MAP4: variants seen among roughly 807,000 people sequenced by gnomAD.
MAP4 encodes the protein microtubule associated protein 4, also known as microtubule-associated protein 4.
Under a neutral mutation model 170.2 loss-of-function variants are expected in MAP4, and 76 were observed. The ratio of observed to expected loss-of-function variants is 0.45; its 90% CI spans 0.37 to 0.54. MAP4 has a LOEUF of 0.54. Among genes scored for constraint, MAP4 ranks in the 20% least tolerant of loss-of-function variants. The probability of loss-of-function intolerance (pLI) is 0.00; values close to 1 mark genes in which losing one functional copy is unlikely to be tolerated. For synonymous variants in MAP4, 909 were observed against 994.5 expected, an observed-to-expected ratio of 0.91 and a Z score of 1.62; for missense variants, 2,506 against 2,748.0, an observed-to-expected ratio of 0.91 and a Z score of 1.97.
intron 10 of MAP4, among the ~76,000 whole-genome samples, chr3:47,880,978 C>A (rs762021160): frequency 6.6e-5 from 10 of 152,140 alleles, no homozygotes; most frequent in Non-Finnish European, 1.2e-4. Flanking sequence ...TTACAGAAGT[C>A]CCCAGCTGTA....
intron 2 of MAP4, among the ~76,000 whole-genome samples, chr3:47,986,628 C>T (rs912772829): frequency 2.0e-5 from 3 of 152,114 alleles, no homozygotes; most frequent in African/African-American, 4.8e-5. Context: ...GCTTGAGCCC[C>T]CGGGTCCCGG....
chr3:48,074,506 A>C (rs1464873705), intron 1 of MAP4, among the ~76,000 whole-genome samples: 11 of 141,130 alleles, frequency 7.8e-5, no homozygotes, highest in Admixed American at 5.7e-4. Flanking sequence ...ATATATACAC[A>C]CACTTTTTTT....
chr3:47,930,710 C>T (rs563266852), intron 3 of MAP4, among the ~76,000 whole-genome samples: 5 of 151,756 alleles, frequency 3.3e-5, no homozygotes, highest in African/African-American at 4.8e-5. Flanking sequence ...GGGCGGATCA[C>T]AAGGTCAGGA....
chr3:47,875,626 C>A, intron 12 of MAP4, 59 bp downstream of exon 12: 1 of 1,405,394 alleles, frequency 7.1e-7, no homozygotes, highest in Non-Finnish European at 9.9e-7. Context: ...AAGGATCTGT[C>A]TATCTGACAC....
intron 3 of MAP4, among the ~76,000 whole-genome samples, chr3:47,959,178 G>C (rs1446653797): frequency 2.0e-5 from 3 of 152,032 alleles, no homozygotes; most frequent in Non-Finnish European, 2.9e-5. Context: ...GTATATACAT[G>C]AAGGTGGCCG....
Position 47,877,172 on chromosome 3 carries a change from C to T in MAP4, c.5541+245G>A, listed in dbSNP as rs142049379. On this transcript the variant is annotated intron_variant, in intron 11 of 20. Coordinates refer to ENST00000683076, the MANE Select transcript of MAP4 (RefSeq NM_001385682.1). The stretch of plus-strand genomic sequence containing the variant: ...GATTACAGGCATGAGCCACCATGCC[C>T]GGCCTCTACAGAACATTTTTTACAG... 32 of 369,776 alleles carry T rather than the reference C, an allele frequency of 8.7e-5. No individual in the cohort carries two copies. In the Admixed American group the frequency reaches 1.0e-3, roughly 12 times the overall value. The allele number at this position is 369,776 out of a possible 1,614,324, so 22.9% of individuals were successfully genotyped here. A position where few individuals can be genotyped will look rare whatever the true frequency, so the allele number is the denominator to read the frequency against.
intron 1 of MAP4, among the ~76,000 whole-genome samples, chr3:48,000,696 A>G (rs1421744742): frequency 6.6e-6 from 1 of 152,196 alleles, no homozygotes; most frequent in African/African-American, 2.4e-5. Context: ...TAATTTAGCC[A>G]ATCTATTTCT....
In MAP4 at chr3:47,909,249, T is replaced by C. The variant is rs2100034698; in HGVS notation, c.5172A>G (p.Pro1724=). The C allele has an allele frequency of 1.2e-6, 2 of 1,613,904 alleles. No homozygotes were observed. The highest frequency in any genetic ancestry group is 1.7e-6 in the Non-Finnish European group (2 of 1,179,862). The change falls in exon 9 of 21, where the codon CCA becomes CCG. Residue 1724 remains proline, a synonymous_variant. Coordinates refer to ENST00000683076, the MANE Select transcript of MAP4 (RefSeq NM_001385682.1). The part of the protein sequence containing the change: ...IMTASKGVRL[P]EPKDKILETP... ...TCTCCAAAATCTTATCTTTGGGTTC[T>C]GGGAGTCGAACACCCTTGGAAGCAG... is the stretch of plus-strand genomic sequence containing the variant.
intron 5 of MAP4, among the ~76,000 whole-genome samples, chr3:47,919,060 T>C (rs1311650130): frequency 6.6e-6 from 1 of 151,548 alleles, no homozygotes; most frequent in African/African-American, 2.4e-5. Context: ...GTCTCCCGAG[T>C]AGCTGGGACT....
At chr3:48,048,820 G>C (rs1301079353) in intron 1 of MAP4, among the ~76,000 whole-genome samples, 2 of 151,862 alleles carry the variant, frequency 1.3e-5, no homozygotes, top group African/African-American at 2.4e-5. Context: ...ACCTGCATTT[G>C]TGTGTGTATT....
At chr3:47,954,138 G>A (rs1264934205) in intron 3 of MAP4, among the ~76,000 whole-genome samples, 2 of 152,222 alleles carry the variant, frequency 1.3e-5, no homozygotes, top group East Asian at 3.9e-4. Context: ...CCCTAGACAT[G>A]GGTTGGCAAA....
chr3:47,983,361 C>A (rs190445355), intron 2 of MAP4, among the ~76,000 whole-genome samples: 5 of 151,830 alleles, frequency 3.3e-5, no homozygotes, highest in African/African-American at 1.2e-4. Context: ...AGGTGTGCAC[C>A]GCCACAGTTG....
chr3:48,046,921 C>G (rs994589944), intron 1 of MAP4, among the ~76,000 whole-genome samples: 2 of 151,716 alleles, frequency 1.3e-5, no homozygotes, highest in African/African-American at 4.8e-5. Flanking sequence ...GGTTAAACCC[C>G]GTCTCTACTA....
chr3:47,878,488 T>C (rs554151704), intron 10 of MAP4, among the ~76,000 whole-genome samples: 1 of 152,264 alleles, frequency 6.6e-6, no homozygotes, highest in South Asian at 2.1e-4. Context: ...TTTTTGAAAC[T>C]ATGAAAAGAT....
At chr3:47,930,483 A>C (rs868607640) in intron 3 of MAP4, among the ~76,000 whole-genome samples, 3 of 152,030 alleles carry the variant, frequency 2.0e-5, no homozygotes, top group South Asian at 4.1e-4. Context: ...AACAAAAAAA[A>C]CAAAAGACAA....
chr3:47,930,445 C>T (rs1196288061), intron 3 of MAP4, among the ~76,000 whole-genome samples: 3 of 149,302 alleles, frequency 2.0e-5, no homozygotes, highest in Non-Finnish European at 4.5e-5. Context: ...GAGCGAGACT[C>T]CGTCTCAAAA....
intron 1 of MAP4, among the ~76,000 whole-genome samples, chr3:48,048,322 T>G (rs1324644852): frequency 6.6e-6 from 1 of 151,940 alleles, no homozygotes; most frequent in African/African-American, 2.4e-5. Flanking sequence ...TGTATTACAA[T>G]CTCATGTCCT....
intron 3 of MAP4, among the ~76,000 whole-genome samples, chr3:47,961,258 T>C (rs143600676): frequency 1.5e-4 from 23 of 152,224 alleles, no homozygotes; most frequent in African/African-American, 4.1e-4. Flanking sequence ...TCCCAGGACA[T>C]TGGGAGGCTG....
intron 1 of MAP4, among the ~76,000 whole-genome samples, chr3:48,030,385 T>C (rs1160418755): frequency 6.6e-6 from 1 of 151,912 alleles, no homozygotes; most frequent in Non-Finnish European, 1.5e-5. Context: ...ACCAAGACTC[T>C]TTGGAGAAAT....
Sources: allele counts gnomAD v4.1 joint callset (sites outside exome capture counted in the v4.1 genomes callset), GRCh38; gene constraint gnomAD v4.1.1; transcripts MANE v1.5; gene names NCBI Gene and HGNC (gene_info 2026-07-23, HGNC 2026-07-21).